GRIA4: variants seen among roughly 807,000 people sequenced by gnomAD.
GRIA4 encodes the protein glutamate receptor 4.
Under a neutral mutation model 104.0 loss-of-function variants are expected in GRIA4, and 34 were observed. The observed-to-expected ratio is 0.33, with a 90% CI of 0.25 to 0.44. The LOEUF (loss-of-function observed/expected upper bound fraction) is 0.44. Ranked by LOEUF, GRIA4 falls within the 20% of genes least tolerant of loss-of-function variation. The pLI is 1.00. For missense variants in GRIA4, 750 were observed against 1,096.5 expected (o/e 0.68, Z 4.46); for synonymous variants, 386 against 381.9 (o/e 1.01, Z -0.13).
chr11:105,668,704 T>C (rs1952261178), intron 3 of GRIA4, among the ~76,000 whole-genome samples: 1 of 145,160 alleles, frequency 6.9e-6, no homozygotes, highest in Non-Finnish European at 1.5e-5. Flanking sequence ...AGATAGAGTG[T>C]CGCTCTGTTG....
intron 4 of GRIA4, among the ~76,000 whole-genome samples, chr11:105,786,084 G>C (rs929383708): frequency 7.0e-6 from 1 of 143,226 alleles, no homozygotes; most frequent in Non-Finnish European, 1.5e-5. Context: ...GGTGGAGGTG[G>C]CAGTGAGCCG....
chr11:105,763,107 G>T (rs1040862455), intron 4 of GRIA4, among the ~76,000 whole-genome samples: 2 of 152,138 alleles, frequency 1.3e-5, no homozygotes, highest in Non-Finnish European at 2.9e-5. Flanking sequence ...TAGGTTCAAA[G>T]GAGTAAGAGA....
intron 9 of GRIA4, among the ~76,000 whole-genome samples, chr11:105,907,473 A>AG (rs1947082686): frequency 6.6e-6 from 1 of 152,210 alleles, no homozygotes; most frequent in Admixed American, 6.5e-5. Flanking sequence ...CTTGCCAGCA[A>AG]GGGAGCTATC....
intron 3 of GRIA4, among the ~76,000 whole-genome samples, chr11:105,668,391 T>G (rs1358917742): frequency 6.7e-6 from 1 of 149,992 alleles, no homozygotes; most frequent in African/African-American, 2.4e-5. Flanking sequence ...TAAAAACTAT[T>G]CATCCATTGA....
intron 5 of GRIA4, among the ~76,000 whole-genome samples, chr11:105,876,892 T>C (rs1304335269): frequency 6.6e-6 from 1 of 152,232 alleles, no homozygotes; most frequent in East Asian, 1.9e-4. Context: ...GTCTTTTAAT[T>C]GGGGCATTTA....
intron 3 of GRIA4, among the ~76,000 whole-genome samples, chr11:105,728,284 T>G (rs879033443): frequency 6.6e-6 from 1 of 152,184 alleles, no homozygotes; most frequent in African/African-American, 2.4e-5. Context: ...AGAAGGGCAT[T>G]ACATAATGGT....
intron 5 of GRIA4, among the ~76,000 whole-genome samples, chr11:105,875,219 T>C (rs1052968821): frequency 6.6e-6 from 1 of 152,202 alleles, no homozygotes; most frequent in Non-Finnish European, 1.5e-5. Context: ...ATTATGTTTA[T>C]TGATTTGCAT....
At chr11:105,676,613 C>T (rs1371490712) in intron 3 of GRIA4, among the ~76,000 whole-genome samples, 1 of 151,714 alleles carries the variant, frequency 6.6e-6, no homozygotes, top group Non-Finnish European at 1.5e-5. Context: ...AAATTGATAA[C>T]AGTAACTTGT....
intron 11 of GRIA4, among the ~76,000 whole-genome samples, chr11:105,921,303 TTGGGTGTGTG>T (rs1947551653): frequency 1.7e-5 from 2 of 118,032 alleles, no homozygotes; most frequent in Middle Eastern, 3.9e-3. Context: ...TCTACCACAC[TTGGGTGTGTG>T]TGTGTGTGTG....
chr11:105,633,635 T>C (rs1221662219), intron 3 of GRIA4, among the ~76,000 whole-genome samples: 1 of 152,174 alleles, frequency 6.6e-6, no homozygotes, highest in Admixed American at 6.5e-5. Flanking sequence ...AGTCTATAGA[T>C]GTAACTCATT....
At chr11:105,895,623 G>T (rs1216938790) in intron 6 of GRIA4, among the ~76,000 whole-genome samples, 2 of 150,632 alleles carry the variant, frequency 1.3e-5, no homozygotes, top group African/African-American at 4.9e-5. Flanking sequence ...GGGATGGAGG[G>T]AGGGAGGGAG....
intron 14 of GRIA4, among the ~76,000 whole-genome samples, chr11:105,944,584 G>A (rs5009372): frequency 7.2e-3 from 202 of 27,918 alleles, no homozygotes; most frequent in Admixed American, 0.013. Flanking sequence ...TACATAAATG[G>A]AAAAAAAAAA....
chr11:105,796,596 C>T (rs1274098070), intron 4 of GRIA4, among the ~76,000 whole-genome samples: 1 of 152,036 alleles, frequency 6.6e-6, no homozygotes, highest in Non-Finnish European at 1.5e-5. Context: ...CTGTGAGGTG[C>T]AAAAGAAAAC....
chr11:105,693,876 C>A (rs1014202292), intron 3 of GRIA4, among the ~76,000 whole-genome samples: 11 of 152,130 alleles, frequency 7.2e-5, no homozygotes, highest in African/African-American at 2.4e-4. Context: ...CTCTTAATTA[C>A]AAAGACAGTT....
chr11:105,759,143 AT>A (rs775970796), intron 4 of GRIA4, among the ~76,000 whole-genome samples: 19 of 152,144 alleles, frequency 1.2e-4, no homozygotes, highest in Non-Finnish European at 2.1e-4. Context: ...ATTAGTAAAA[AT>A]TATATTAAGT....
intron 14 of GRIA4, among the ~76,000 whole-genome samples, chr11:105,959,974 G>A (rs1948693862): frequency 6.6e-6 from 1 of 152,224 alleles, no homozygotes; most frequent in South Asian, 2.1e-4. Flanking sequence ...AAGCAGCCAG[G>A]ATGGCTGCCT....
At chr11:105,877,031 G>T (rs1238391193) in intron 5 of GRIA4, among the ~76,000 whole-genome samples, 1 of 152,172 alleles carries the variant, frequency 6.6e-6, no homozygotes, top group Non-Finnish European at 1.5e-5. Flanking sequence ...AATTGAGTAT[G>T]TTTTTTGCAG....
At chr11:105,870,224 T>C (rs1945563712) in intron 5 of GRIA4, among the ~76,000 whole-genome samples, 1 of 150,478 alleles carries the variant, frequency 6.6e-6, no homozygotes, top group Non-Finnish European at 1.5e-5. Flanking sequence ...TTTTTATAAT[T>C]TATTCTAATT....
At chr11:105,921,760 C>G (rs1000644162) in intron 11 of GRIA4, among the ~76,000 whole-genome samples, 3 of 152,056 alleles carry the variant, frequency 2.0e-5, no homozygotes, top group African/African-American at 7.2e-5. Context: ...TGAAAGGAGG[C>G]ATTTCAAGTA....
Sources: gnomAD v4.1 joint callset for allele counts (sites outside exome capture counted in the v4.1 genomes callset) on GRCh38, gnomAD v4.1.1 for gene constraint, MANE v1.5 for transcripts, NCBI Gene and HGNC (gene_info 2026-07-23, HGNC 2026-07-21) for gene names.